The following SOX30 variants were observed in gnomAD, a reference collection of about 807,000 sequenced individuals.
The protein encoded by SOX30 is SRY-box transcription factor 30, also known as transcription factor SOX-30.
A neutral mutation model predicts 58.6 loss-of-function variants in SOX30; 17 were observed. The observed-to-expected ratio is 0.29, with a 90% CI of 0.20 to 0.44. SOX30 has a LOEUF of 0.44. Among genes scored for constraint, SOX30 ranks in the 20% least tolerant of loss-of-function variants. The pLI, the probability that SOX30 is intolerant of heterozygous loss-of-function variation, is 1.00. For synonymous variants in SOX30, 421 were observed against 400.2 expected (o/e 1.05, Z -0.62); for missense variants, 951 against 965.8 (o/e 0.98, Z 0.20).
At chr5:157,646,580 G>C (rs749947441) in intron 3 of SOX30, 57 bp downstream of exon 3, 27 of 1,281,824 alleles carry the variant, frequency 2.1e-5, no homozygotes, top group Admixed American at 4.5e-5. Context: ...TCAAACTTGA[G>C]GTAAAATTTT....
intron 4 of SOX30, among the ~76,000 whole-genome samples, chr5:157,635,131 A>G (rs1329346099): frequency 6.6e-6 from 1 of 152,260 alleles, no homozygotes; most frequent in Non-Finnish European, 1.5e-5. Flanking sequence ...CAACTGAAAA[A>G]TATTATAATT....
intron 4 of SOX30, among the ~76,000 whole-genome samples, chr5:157,627,955 C>G (rs1381907751): frequency 1.3e-5 from 2 of 151,664 alleles, no homozygotes; most frequent in Non-Finnish European, 2.9e-5. Flanking sequence ...GATCACGCCA[C>G]CACACTCCAG....
intron 3 of SOX30, among the ~76,000 whole-genome samples, chr5:157,644,922 A>T (rs62387669): frequency 6.6e-6 from 1 of 152,100 alleles, no homozygotes; most frequent in South Asian, 2.1e-4. Flanking sequence ...CAGAGGCTGC[A>T]GTGAGCCGAG....
At chr5:157,653,011 C>T (rs1244923991), upstream of SOX30, among the ~76,000 whole-genome samples, 1 of 152,194 alleles carries the variant, frequency 6.6e-6, no homozygotes, top group Non-Finnish European at 1.5e-5. Context: ...GGGATCTAAC[C>T]TCCTACTACT....
In SOX30 at chr5:157,626,074, A is replaced by G; in HGVS notation, c.*266T>C. On this transcript the variant is annotated 3_prime_UTR_variant, in exon 5 of 5. Transcript: ENST00000265007. ...GCTTCAGTATTTTGCATGTTCCAGG[A>G]TAAAGTAATAATAATACATGTTGAT... is the stretch of plus-strand genomic sequence containing the variant. 1 of 325,470 alleles carries G rather than the reference A, an allele frequency of 3.1e-6. No homozygotes were observed. Among genetic ancestry groups the G allele is most frequent in the Non-Finnish European group, 5.6e-6 (1 of 179,984 alleles). 20.2% of individuals were successfully genotyped at this position (325,470 alleles called of 1,614,324 possible).
chr5:157,634,425 C>T (rs1758878192), intron 4 of SOX30, among the ~76,000 whole-genome samples: 1 of 152,160 alleles, frequency 6.6e-6, no homozygotes. Context: ...CTAAATTGCC[C>T]AGGCTGGTCT....
intron 1 of SOX30, among the ~76,000 whole-genome samples, chr5:157,668,797 T>C (rs1197190928): frequency 1.3e-5 from 2 of 152,148 alleles, no homozygotes; most frequent in Admixed American, 6.5e-5. Context: ...AGAAACCATA[T>C]AGCTGTCTTG....
upstream of SOX30, chr5:157,652,548 A>T: frequency 5.1e-6 from 1 of 196,460 alleles, no homozygotes. Context: ...CGGCCTGAGT[A>T]ATCTGTCGGC....
In SOX30 at chr5:157,628,598, C is replaced by T. The variant is rs115382908; in HGVS notation, c.1881-1877G>A. ...TCCATGCCTACTGCCACTCTTAGTT[C>T]GGGCATTTTAAATTTAATACACATG... is the stretch of plus-strand genomic sequence containing the variant. On this transcript the variant is annotated intron_variant, in intron 4 of 4. Transcript: ENST00000265007. Among the ~76,000 whole-genome samples the T allele has an allele frequency of 2.7e-3, 416 of 151,416 alleles. 2 individuals carry two copies. The highest frequency in any genetic ancestry group is 9.6e-3 in the African/African-American group (395 of 41,212).
chr5:157,644,125 T>C (rs1223468675), intron 3 of SOX30, among the ~76,000 whole-genome samples: 1 of 149,972 alleles, frequency 6.7e-6, no homozygotes, highest in Non-Finnish European at 1.5e-5. Context: ...TATAAGATAA[T>C]GTTCTCTGTT....
chr5:157,652,937 C>T (rs377684855), upstream of SOX30, among the ~76,000 whole-genome samples: 10 of 152,136 alleles, frequency 6.6e-5, no homozygotes, highest in East Asian at 1.9e-3. Context: ...TCCATGGCTC[C>T]CCACTGATAA....
intron 4 of SOX30, among the ~76,000 whole-genome samples, chr5:157,631,047 TTA>T (rs755427047): frequency 5.1e-3 from 269 of 53,262 alleles, no homozygotes; most frequent in Non-Finnish European, 8.5e-3. Flanking sequence ...TATATATATT[TTA>T]TATATATATA....
At position 157,645,087 on chromosome 5, in the gene SOX30, A is replaced by G. The variant is rs79087987; in HGVS notation, c.1387+1550T>C. Among the ~76,000 whole-genome samples the G allele has an allele frequency of 6.8e-3, 1,041 of 152,296 alleles. 11 individuals carry two copies. The highest frequency in any genetic ancestry group is 0.024 in the African/African-American group (979 of 41,560). On this transcript the variant is annotated intron_variant, in intron 3 of 4. Coordinates refer to ENST00000265007, the MANE Select transcript of SOX30 (RefSeq NM_178424.2). Reference sequence around the variant, plus strand: ...AAGAAGTCACTACCAAACAGTGAAGACTGAGAGTGCCTGCCTGTGCTAGGA... The same window carrying G: ...AAGAAGTCACTACCAAACAGTGAAGGCTGAGAGTGCCTGCCTGTGCTAGGA...
At chr5:157,643,781 G>A (rs1759125516) in intron 3 of SOX30, among the ~76,000 whole-genome samples, 1 of 152,004 alleles carries the variant, frequency 6.6e-6, no homozygotes, top group Non-Finnish European at 1.5e-5. Flanking sequence ...TTCATATTTA[G>A]AATATGAAAT....
Position 157,651,741 on chromosome 5 carries a change from G to T in SOX30, c.338C>A (p.Pro113Gln), listed in dbSNP as rs1235425246. 1.3e-6 allele frequency: 2 copies of T among 1,558,916 alleles called. No individual in the cohort carries two copies. The highest frequency in any genetic ancestry group is 1.9e-5 in the Admixed American group (1 of 52,432). ...GGAGGTGGCGCCGTCTGACGCTGTC[G>T]GCGGCTGCAGGAGCCGCAGGTCGGG... Reference protein sequence around the residue: ...FRPDLRLLQPPTASDGATSRP... With the variant: ...FRPDLRLLQPQTASDGATSRP... The change falls in exon 1 of 5, where the codon CCG becomes CAG. Residue 113 changes from proline (P) to glutamine (Q), a missense_variant. Around this residue, in one of 7 missense-constraint regions of SOX30, gnomAD observed 363 missense variants for 294.5 expected, o/e 1.23. Coordinates refer to ENST00000265007, the MANE Select transcript of SOX30 (RefSeq NM_178424.2).
chr5:157,653,965 G>A (rs1438230286), upstream of SOX30, among the ~76,000 whole-genome samples: 11 of 152,000 alleles, frequency 7.2e-5, no homozygotes, highest in African/African-American at 2.2e-4. Context: ...TCAGGAGTTC[G>A]AGACCAGCCT....
chr5:157,646,687 G>A lies in SOX30; in HGVS notation c.1337C>T (p.Thr446Met), dbSNP rs1384887922. ...PTTVYPYRSP[T>M]YSVVIPSLQN... is the part of the protein sequence containing the mutation. Reference sequence around the variant, plus strand: ...TAGGCTGGGAATTACCACAGAGTACGTAGGTGAGCGGTAAGGATAAACTGT... The same window carrying A: ...TAGGCTGGGAATTACCACAGAGTACATAGGTGAGCGGTAAGGATAAACTGT... Residue 446 changes from threonine to methionine, a missense_variant, in exon 3 of 5, where the codon ACG becomes ATG. By Grantham distance (81) the Thr-to-Met change is moderately conservative. Transcript: ENST00000265007. The A allele has an allele frequency of 5.6e-6, 9 of 1,613,350 alleles. No homozygotes were observed. The highest frequency in any genetic ancestry group is 5.0e-5 in the Admixed American group (3 of 59,998).
chr5:157,667,646 G>A (rs1441268955), intron 2 of SOX30, among the ~76,000 whole-genome samples: 2 of 152,134 alleles, frequency 1.3e-5, no homozygotes, highest in African/African-American at 4.8e-5. Context: ...GGCTGAGGCA[G>A]GAGAACCACT....
chr5:157,649,556 A>G (rs1281602483), intron 1 of SOX30, among the ~76,000 whole-genome samples: 2 of 152,186 alleles, frequency 1.3e-5, no homozygotes, highest in Non-Finnish European at 2.9e-5. Flanking sequence ...TTGGGAGGCC[A>G]AGGCAGGTGG....
Sources: gnomAD v4.1 joint callset for allele counts (sites outside exome capture counted in the v4.1 genomes callset) on GRCh38, gnomAD v4.1.1 for gene constraint, gnomAD v4.1.1 regional missense constraint, MANE v1.5 for transcripts, NCBI Gene and HGNC (gene_info 2026-07-23, HGNC 2026-07-21) for gene names.